Variants in PDE10A observed in about 807,000 individuals in gnomAD.
PDE10A encodes the protein cAMP and cAMP-inhibited cGMP 3',5'-cyclic phosphodiesterase 10A.
PDE10A carries 39 observed loss-of-function variants against 97.7 expected under a neutral mutation model. The observed-to-expected ratio is 0.40, with a 90% confidence interval of 0.31 to 0.52. The LOEUF (loss-of-function observed/expected upper bound fraction) is 0.52. Ranked by LOEUF, PDE10A falls within the 20% of genes least tolerant of loss-of-function variation. PDE10A has a pLI of 0.56. For synonymous variants in PDE10A, 371 were observed against 376.8 expected (o/e 0.98, Z 0.18); for missense variants, 731 against 1,047.8 (o/e 0.70, Z 4.17).
At chr6:165,846,337 C>T (rs118014721) in intron 1 of PDE10A, among the ~76,000 whole-genome samples, 5,571 of 152,288 alleles carry the variant, frequency 0.037, 139 homozygotes, top group Middle Eastern at 0.078. Context: ...TCGGAAGTAC[C>T]GAGGTGCAGT....
chr6:165,779,974 T>C (rs2128461459), intron 1 of PDE10A, among the ~76,000 whole-genome samples: 1 of 152,324 alleles, frequency 6.6e-6, no homozygotes, highest in South Asian at 2.1e-4. Flanking sequence ...CTAGCCCTGC[T>C]GGTGTCTTAA....
intron 1 of PDE10A, among the ~76,000 whole-genome samples, chr6:165,582,855 G>A (rs1160136924): frequency 6.6e-6 from 1 of 152,056 alleles, no homozygotes; most frequent in Non-Finnish European, 1.5e-5. Flanking sequence ...TATATATTGA[G>A]AAGTCTCATT....
intron 1 of PDE10A, among the ~76,000 whole-genome samples, chr6:165,628,385 T>C (rs749788656): frequency 1.3e-5 from 2 of 151,898 alleles, no homozygotes; most frequent in Non-Finnish European, 2.9e-5. Context: ...AGAGTCTTGC[T>C]CTGCTGCCTA....
intron 10 of PDE10A, among the ~76,000 whole-genome samples, chr6:165,426,964 G>C (rs1789208695): frequency 1.3e-5 from 2 of 152,070 alleles, no homozygotes; most frequent in African/African-American, 4.8e-5. Context: ...TCAGATAATA[G>C]TAAGTGTTGG....
At chr6:165,496,886 T>C (rs1167623749) in intron 2 of PDE10A, among the ~76,000 whole-genome samples, 1 of 152,234 alleles carries the variant, frequency 6.6e-6, no homozygotes, top group African/African-American at 2.4e-5. Flanking sequence ...TTTTCATTCT[T>C]ACTATATATG....
Position 165,330,028 on chromosome 6 carries a change from A to G in PDE10A, c.*2997T>C, listed in dbSNP as rs541035373. On this transcript the variant is annotated 3_prime_UTR_variant, in exon 22 of 22. Coordinates refer to ENST00000539869, the MANE Select transcript of PDE10A (RefSeq NM_001385079.1). Reference sequence around the variant, plus strand: ...TCACATTGCCCGAATTCAATATTCCATGTTATTGGCAGGCATTTATGTTTC... The same window carrying G: ...TCACATTGCCCGAATTCAATATTCCGTGTTATTGGCAGGCATTTATGTTTC... The G allele has an allele frequency of 1.3e-5, 2 of 152,322 alleles. No individual in the cohort carries two copies. The highest frequency in any genetic ancestry group is 1.3e-4 in the Admixed American group (2 of 15,304). The allele number at this position is 152,322 out of a possible 1,614,324, so 9.4% of individuals were successfully genotyped here.
In PDE10A at chr6:165,329,263, G is replaced by A. The variant is rs1028739638; in HGVS notation, c.*3762C>T. 1 of 152,178 alleles carries A rather than the reference G, an allele frequency of 6.6e-6. No individual in the cohort carries two copies. Among genetic ancestry groups the A allele is most frequent in the African/African-American group, 2.4e-5 (1 of 41,442 alleles). The allele number at this position is 152,178 out of a possible 1,614,324, so 9.4% of individuals were successfully genotyped here. A position where few individuals can be genotyped will look rare whatever the true frequency, so the allele number is the denominator to read the frequency against. Reference sequence around the variant, plus strand: ...AAAGACTGACTCTGAACAGTTCACTGGTTATAGTCACCAGGGTATATGTCA... The same window carrying A: ...AAAGACTGACTCTGAACAGTTCACTAGTTATAGTCACCAGGGTATATGTCA... On this transcript the variant is annotated 3_prime_UTR_variant, in exon 22 of 22. Coordinates refer to ENST00000539869, the MANE Select transcript of PDE10A (RefSeq NM_001385079.1).
chr6:165,777,618 G>T (rs1456284130), intron 1 of PDE10A, among the ~76,000 whole-genome samples: 1 of 152,220 alleles, frequency 6.6e-6, no homozygotes, highest in African/African-American at 2.4e-5. Context: ...CCCTCTTGGG[G>T]GGAAAATGCC....
intron 1 of PDE10A, among the ~76,000 whole-genome samples, chr6:165,626,221 C>T (rs540437648): frequency 1.4e-4 from 21 of 152,332 alleles, no homozygotes; most frequent in African/African-American, 1.7e-4. Context: ...CAGGGAATCA[C>T]GCTCAGGAAA....
intron 1 of PDE10A, among the ~76,000 whole-genome samples, chr6:165,659,302 C>T (rs901851144): frequency 6.6e-6 from 1 of 152,062 alleles, no homozygotes; most frequent in South Asian, 2.1e-4. Context: ...GAATGACACT[C>T]AACAATTAGA....
At chr6:165,750,339 C>T (rs923507218) in intron 1 of PDE10A, among the ~76,000 whole-genome samples, 9 of 152,174 alleles carry the variant, frequency 5.9e-5, no homozygotes, top group African/African-American at 1.7e-4. Context: ...GAAAAGGATC[C>T]AGTCCTGGGA....
At chr6:165,902,106 A>G (rs1420401431) in intron 1 of PDE10A, among the ~76,000 whole-genome samples, 2 of 152,350 alleles carry the variant, frequency 1.3e-5, no homozygotes, top group Middle Eastern at 3.4e-3. Context: ...GTATATGTAT[A>G]TGCAATCTAT....
chr6:165,377,653 G>GA (rs1260532847), intron 18 of PDE10A, among the ~76,000 whole-genome samples: 1 of 151,268 alleles, frequency 6.6e-6, no homozygotes, highest in Non-Finnish European at 1.5e-5. Flanking sequence ...AACCCCAGAA[G>GA]AAAAAAAAGA....
At chr6:165,510,244 T>C (rs1354170817) in intron 2 of PDE10A, among the ~76,000 whole-genome samples, 1 of 151,950 alleles carries the variant, frequency 6.6e-6, no homozygotes, top group Non-Finnish European at 1.5e-5. Flanking sequence ...TTTTGAAATA[T>C]GTTCCTTCTA....
rs1781207072 is a variant in PDE10A at position 165,329,178 on chromosome 6, C to A, written c.*3847G>T. On this transcript the variant is annotated 3_prime_UTR_variant, in exon 22 of 22. Transcript: ENST00000539869. ...TGATTTTAAAAATCATGCTTAGGTA[C>A]CTGAAACCCCCCAAAATCACATCAT... 1 of 152,110 alleles carries A rather than the reference C, an allele frequency of 6.6e-6. No individual in the cohort carries two copies. The highest frequency in any genetic ancestry group is 2.4e-5 in the African/African-American group (1 of 41,426). 9.4% of individuals were successfully genotyped at this position (152,110 alleles called of 1,614,324 possible).
chr6:165,571,073 T>A (rs1439747020), intron 1 of PDE10A, among the ~76,000 whole-genome samples: 1 of 152,210 alleles, frequency 6.6e-6, no homozygotes, highest in African/African-American at 2.4e-5. Flanking sequence ...ACTAAACAAA[T>A]GTTTCAGAAT....
At chr6:165,430,256 A>T (rs1232049820) in intron 9 of PDE10A, 31 bp downstream of exon 9, 4 of 1,506,540 alleles carry the variant, frequency 2.7e-6, no homozygotes, top group Non-Finnish European at 3.7e-6. Context: ...TTGATTAATA[A>T]GAGCTACTAT....
chr6:165,447,571 G>A lies in PDE10A; in HGVS notation c.1194+1357C>T, dbSNP rs137909243. 1.3e-3 allele frequency among the ~76,000 whole-genome samples: 200 copies of A among 152,210 alleles called. 1 individual carries two copies. The highest frequency in any genetic ancestry group is 4.7e-3 in the African/African-American group (194 of 41,524). Reference sequence around the variant, plus strand: ...GCCAATTAAAAAATAATGGCAAACTGTAGAATATTTTTCTAAAAGAAATTA... The same window carrying A: ...GCCAATTAAAAAATAATGGCAAACTATAGAATATTTTTCTAAAAGAAATTA... On this transcript the variant is annotated intron_variant, in intron 5 of 21. Transcript: ENST00000539869.
intron 2 of PDE10A, among the ~76,000 whole-genome samples, chr6:165,539,217 A>G (rs1052646758): frequency 4.6e-5 from 7 of 152,230 alleles, no homozygotes; most frequent in Admixed American, 1.3e-4. Context: ...ACTTTTAAAA[A>G]GCAATTTTCC....
Sources: allele counts gnomAD v4.1 joint callset (sites outside exome capture counted in the v4.1 genomes callset), GRCh38; gene constraint gnomAD v4.1.1; transcripts MANE v1.5; gene names NCBI Gene and HGNC (gene_info 2026-07-23, HGNC 2026-07-21).